Variants in ANKRD42 observed in about 807,000 individuals in gnomAD.
ANKRD42 encodes the protein ankyrin repeat domain 42.
ANKRD42 carries 43 observed loss-of-function variants against 51.5 expected under a neutral mutation model. The ratio of observed to expected loss-of-function variants is 0.83; its 90% CI spans 0.65 to 1.08. ANKRD42 has a LOEUF of 1.08. Among genes scored for constraint, ANKRD42 ranks in the 50% least tolerant of loss-of-function variants. The pLI, the probability that ANKRD42 is intolerant of heterozygous loss-of-function variation, is 0.00. For missense variants in ANKRD42, 608 were observed against 629.3 expected (o/e 0.97, Z 0.36); for synonymous variants, 203 against 213.0 (o/e 0.95, Z 0.41).
At chr11:83,243,967 CTTTTTTTTTTTTTTT>C (rs66756456) in intron 9 of ANKRD42, among the ~76,000 whole-genome samples, 2 of 66,966 alleles carry the variant, frequency 3.0e-5, no homozygotes, top group Non-Finnish European at 5.1e-5. Context: ...CCTGGCTGCC[CTTTTTTTTTTTTTTT>C]TTTTTTTTTT....
chr11:83,198,496 C>T lies in ANKRD42; in HGVS notation c.76C>T (p.His26Tyr). Reference protein sequence around the residue: ...TANPCSRKKVHFGSIHDAVRA... With the variant: ...TANPCSRKKVYFGSIHDAVRA... ...TTCAATAGGTTCCAGGAAGAAGGTG[C>T]ATTTTGGCAGCATACATGATGCAGT... Residue 26 changes from histidine (H) to tyrosine (Y), a missense_variant, in exon 2 of 11, where the codon CAT becomes TAT. By Grantham distance (83) the His-to-Tyr change is moderately conservative. Transcript: ENST00000533342. 2 of 1,611,624 alleles carry T rather than the reference C, an allele frequency of 1.2e-6. No individual in the cohort carries two copies. The highest frequency in any genetic ancestry group is 2.2e-5 in the South Asian group (2 of 90,742).
chr11:83,203,609 G>A (rs1278844499), intron 2 of ANKRD42, among the ~76,000 whole-genome samples: 5 of 151,984 alleles, frequency 3.3e-5, no homozygotes, highest in Non-Finnish European at 2.9e-5. Flanking sequence ...GGCCAGGCTC[G>A]TCTCAAACTC....
At chr11:83,252,692 C>T (rs552362491), downstream of ANKRD42, among the ~76,000 whole-genome samples, 1 of 152,178 alleles carries the variant, frequency 6.6e-6, no homozygotes, top group South Asian at 2.1e-4. Flanking sequence ...TTCTGGGATA[C>T]TGGTAATGTC....
In ANKRD42 at chr11:83,229,812, G is replaced by A. The variant is rs908079897; in HGVS notation, c.913+1940G>A. 7.9e-5 allele frequency among the ~76,000 whole-genome samples: 12 copies of A among 152,206 alleles called. No individual in the cohort carries two copies. In the South Asian group the frequency reaches 1.0e-3, roughly 13 times the overall value. On this transcript the variant is annotated intron_variant, in intron 7 of 10. Coordinates refer to ENST00000533342, the MANE Select transcript of ANKRD42 (RefSeq NM_001300975.2). ...GGGGGATTATAAGTCGCAACAGCTG[G>A]AAAAGAGCATTGTTGGGGGACATTT... is the stretch of plus-strand genomic sequence containing the variant.
chr11:83,233,381 C>T (rs758425213), intron 7 of ANKRD42, among the ~76,000 whole-genome samples: 79 of 152,146 alleles, frequency 5.2e-4, no homozygotes, highest in Middle Eastern at 3.4e-3. Context: ...TATAGTTACT[C>T]ATAGTAGCCA....
chr11:83,245,156 G>A (rs1162892340), intron 9 of ANKRD42, among the ~76,000 whole-genome samples: 6 of 152,062 alleles, frequency 3.9e-5, no homozygotes, highest in Non-Finnish European at 8.8e-5. Context: ...CACCCGCCTC[G>A]GCCTCCCAAA....
At chr11:83,213,649 C>A in intron 5 of ANKRD42, 1 of 836,684 alleles carries the variant, frequency 1.2e-6, no homozygotes, top group Non-Finnish European at 1.5e-6. Context: ...AACATCATTT[C>A]GTACGTTTAA....
At chr11:83,203,394 CTTTTTTT>C in intron 2 of ANKRD42, among the ~76,000 whole-genome samples, 1 of 129,700 alleles carries the variant, frequency 7.7e-6, no homozygotes, top group Non-Finnish European at 1.7e-5. Flanking sequence ...TTTTTTCTTT[CTTTTTTT>C]TTTTTTTTTT....
chr11:83,242,883 G>A (rs1042421484), intron 9 of ANKRD42, among the ~76,000 whole-genome samples: 3 of 151,934 alleles, frequency 2.0e-5, no homozygotes, highest in African/African-American at 7.3e-5. Context: ...TTCTTTATCC[G>A]GTCTTCTGTT....
chr11:83,235,651 C>G (rs1408085163), intron 7 of ANKRD42, among the ~76,000 whole-genome samples: 3 of 152,232 alleles, frequency 2.0e-5, no homozygotes, highest in Non-Finnish European at 4.4e-5. Flanking sequence ...TAGACCTAAA[C>G]TCAAGTCTTT....
intron 9 of ANKRD42, among the ~76,000 whole-genome samples, chr11:83,241,903 A>G (rs1863398531): frequency 6.6e-6 from 1 of 152,176 alleles, no homozygotes; most frequent in Non-Finnish European, 1.5e-5. Context: ...GGAAGAGAAC[A>G]TACTCCATCT....
chr11:83,240,986 C>A (rs1278862546), intron 9 of ANKRD42, 52 bp downstream of exon 9: 2 of 1,545,286 alleles, frequency 1.3e-6, no homozygotes, highest in South Asian at 2.5e-5. Flanking sequence ...ACCACAGCCA[C>A]TTTTTACCAC....
At chr11:83,194,777 A>G (rs748414754) in intron 1 of ANKRD42, 49 bp downstream of exon 1, 1 of 1,515,366 alleles carries the variant, frequency 6.6e-7, no homozygotes, top group South Asian at 1.3e-5. Flanking sequence ...TCCTTTTCTC[A>G]CTTAAGCCCG....
intron 2 of ANKRD42, among the ~76,000 whole-genome samples, chr11:83,202,233 C>G (rs1013721103): frequency 1.3e-5 from 2 of 152,194 alleles, no homozygotes; most frequent in Non-Finnish European, 2.9e-5. Flanking sequence ...TTCCCAGCAC[C>G]ATTTATTAAA....
Position 83,198,578 on chromosome 11 carries a change from A to G in ANKRD42, c.158A>G (p.Asn53Ser). Residue 53 changes from asparagine to serine, a missense_variant, in exon 2 of 11, where the codon AAT becomes AGT. By Grantham distance (46) the Asn-to-Ser change is conservative (BLOSUM62 1). Transcript: ENST00000533342. ...SEIVVRGASI[N>S]ELDVLHKFTP... Reference sequence around the variant, plus strand: ...ATAGTGGTACGTGGAGCCAGCATTAATGAACTTGATGTTCTCCATAAGTTT... The same window carrying G: ...ATAGTGGTACGTGGAGCCAGCATTAGTGAACTTGATGTTCTCCATAAGTTT... 1.9e-6 allele frequency: 3 copies of G among 1,613,436 alleles called. No homozygotes were observed. Among genetic ancestry groups the G allele is most frequent in the Non-Finnish European group, 2.5e-6 (3 of 1,179,522 alleles).
chr11:83,238,441 AT>A (rs1388089054), intron 8 of ANKRD42, among the ~76,000 whole-genome samples: 3 of 152,186 alleles, frequency 2.0e-5, no homozygotes, highest in Non-Finnish European at 4.4e-5. Context: ...CACACCTGTA[AT>A]CCCAGCATTT....
chr11:83,196,293 C>T (rs1861650080), intron 1 of ANKRD42, among the ~76,000 whole-genome samples: 1 of 152,148 alleles, frequency 6.6e-6, no homozygotes, highest in Middle Eastern at 3.2e-3. Context: ...CTGCTCAAGT[C>T]CAAGTTTTTA....
chr11:83,213,034 C>T (rs1318059923), intron 5 of ANKRD42: 1 of 1,599,898 alleles, frequency 6.3e-7, no homozygotes, highest in Admixed American at 1.7e-5. Context: ...TTGTGAAGCC[C>T]AGGATCATCA....
At chr11:83,199,830 C>G (rs1292232484) in intron 2 of ANKRD42, among the ~76,000 whole-genome samples, 1 of 152,204 alleles carries the variant, frequency 6.6e-6, no homozygotes, top group Non-Finnish European at 1.5e-5. Context: ...GTAACCAAAT[C>G]TGGTTCAGAG....
Sources: allele counts gnomAD v4.1 joint callset (sites outside exome capture counted in the v4.1 genomes callset), GRCh38; gene constraint gnomAD v4.1.1; transcripts MANE v1.5; gene names NCBI Gene and HGNC (gene_info 2026-07-23, HGNC 2026-07-21).